ATXN1: variants seen among roughly 807,000 people sequenced by gnomAD.
ATXN1 encodes ataxin 1.
ATXN1 carries 8 observed loss-of-function variants against 56.4 expected under a neutral mutation model. That is an observed-to-expected ratio of 0.14 (90% CI 0.08 to 0.26). The LOEUF (loss-of-function observed/expected upper bound fraction) is 0.26, where lower values mean the gene tolerates loss of function less well. ATXN1 is among the 10% of genes least tolerant of loss of function. The pLI is 1.00. For missense variants in ATXN1, 987 were observed against 1,106.5 expected (o/e 0.89, Z 1.53); for synonymous variants, 514 against 494.6 (o/e 1.04, Z -0.52).
At chr6:16,622,410 C>G (rs749934264) in intron 3 of ATXN1, among the ~76,000 whole-genome samples, 2 of 152,022 alleles carry the variant, frequency 1.3e-5, no homozygotes, top group Non-Finnish European at 2.9e-5. Flanking sequence ...TAACGATAAC[C>G]AAACAAGCAA....
chr6:16,492,313 T>C (rs780538937), intron 5 of ATXN1, among the ~76,000 whole-genome samples: 26 of 151,994 alleles, frequency 1.7e-4, no homozygotes, highest in Non-Finnish European at 3.1e-4. Flanking sequence ...TTAGGAGATA[T>C]ACCTAATGCT....
intron 6 of ATXN1, chr6:16,433,058 T>C (rs1296185314): frequency 6.6e-6 from 1 of 152,172 alleles, no homozygotes; most frequent in African/African-American, 2.4e-5. Flanking sequence ...ATGAATAGGT[T>C]ATGGGTTTTG....
intron 6 of ATXN1, among the ~76,000 whole-genome samples, chr6:16,455,853 CGCACCAATCAGCACTTGGTAAAAT>C (rs1344192179): frequency 6.6e-6 from 1 of 152,122 alleles, no homozygotes; most frequent in Non-Finnish European, 1.5e-5. Context: ...GTTTGTAAAG[CGCACCAATCAGCACTTGGTAAAAT>C]GCACCAATCA....
intron 3 of ATXN1, among the ~76,000 whole-genome samples, chr6:16,646,817 T>C (rs892299271): frequency 1.3e-5 from 2 of 152,210 alleles, no homozygotes; most frequent in African/African-American, 4.8e-5. Context: ...CACCTACATG[T>C]TTCCCCTAAC....
At chr6:16,434,420 T>A (rs1347970967) in intron 6 of ATXN1, among the ~76,000 whole-genome samples, 2 of 152,256 alleles carry the variant, frequency 1.3e-5, no homozygotes, top group Admixed American at 1.3e-4. Context: ...TGGGAAATGA[T>A]GTGAACTTAA....
chr6:16,730,189 G>C (rs1759937373), intron 2 of ATXN1, among the ~76,000 whole-genome samples: 1 of 152,190 alleles, frequency 6.6e-6, no homozygotes, highest in South Asian at 2.1e-4. Flanking sequence ...TGGGGCAGGA[G>C]AATCACCTGA....
At chr6:16,309,354 A>C (rs1162209178) in intron 7 of ATXN1, among the ~76,000 whole-genome samples, 1 of 152,094 alleles carries the variant, frequency 6.6e-6, no homozygotes, top group Non-Finnish European at 1.5e-5. Context: ...AGTTGAATAG[A>C]CATGGATTAA....
intron 2 of ATXN1, among the ~76,000 whole-genome samples, chr6:16,702,856 C>A (rs377266794): frequency 2.0e-5 from 3 of 152,262 alleles, no homozygotes; most frequent in South Asian, 2.1e-4. Flanking sequence ...GATGTGGAGA[C>A]ATAGGAACAT....
At chr6:16,671,070 C>A (rs1024115560) in intron 2 of ATXN1, among the ~76,000 whole-genome samples, 1 of 150,386 alleles carries the variant, frequency 6.6e-6, no homozygotes, top group East Asian at 2.0e-4. Context: ...TTATAAAAGT[C>A]CTTGCAAAGT....
intron 4 of ATXN1, among the ~76,000 whole-genome samples, chr6:16,545,983 C>T (rs533142062): frequency 6.6e-5 from 10 of 152,226 alleles, no homozygotes; most frequent in African/African-American, 1.9e-4. Context: ...GGGAGGGTGT[C>T]GGAAAAGTCT....
intron 4 of ATXN1, among the ~76,000 whole-genome samples, chr6:16,548,697 G>A (rs1052980980): frequency 2.6e-5 from 4 of 152,098 alleles, no homozygotes; most frequent in African/African-American, 9.7e-5. Context: ...GCCGAGGCGG[G>A]TGGATTGCTT....
rs1270615351 is a variant in ATXN1 at position 16,585,767 on chromosome 6, T to C, written c.-361+13A>G. The C allele has an allele frequency of 6.6e-6, 1 of 152,194 alleles. No homozygotes were observed. Among genetic ancestry groups the C allele is most frequent in the Non-Finnish European group, 1.5e-5 (1 of 68,026 alleles). The allele number at this position is 152,194 out of a possible 1,614,324, so 9.4% of individuals were successfully genotyped here. ...GATAATTATTTTCCTTTAAAGCTTT[T>C]GGAGATGTTTACCTGTACCATGTGC... On this transcript the variant is annotated intron_variant, in intron 4 of 7. Coordinates refer to ENST00000436367, the MANE Select transcript of ATXN1 (RefSeq NM_001128164.2).
intron 6 of ATXN1, among the ~76,000 whole-genome samples, chr6:16,330,157 C>G (rs887425813): frequency 2.0e-5 from 3 of 152,166 alleles, no homozygotes; most frequent in Admixed American, 6.5e-5. Flanking sequence ...CTCAAGAAAT[C>G]CTCCTTCCTT....
chr6:16,592,972 T>C (rs1224582010), intron 3 of ATXN1, among the ~76,000 whole-genome samples: 3 of 152,160 alleles, frequency 2.0e-5, no homozygotes, highest in African/African-American at 7.2e-5. Flanking sequence ...CTCCCCATGA[T>C]TGGTTACTTT....
At chr6:16,719,293 A>C (rs546749024) in intron 2 of ATXN1, among the ~76,000 whole-genome samples, 54 of 152,376 alleles carry the variant, frequency 3.5e-4, no homozygotes, top group African/African-American at 1.2e-3. Flanking sequence ...ATTCCCCCAA[A>C]GCACAGGAAG....
chr6:16,361,806 TG>T (rs1249769136), intron 6 of ATXN1, among the ~76,000 whole-genome samples: 7 of 152,242 alleles, frequency 4.6e-5, no homozygotes, highest in Non-Finnish European at 8.8e-5. Context: ...TTGATTTTCC[TG>T]TGAGGCCAGC....
intron 3 of ATXN1, among the ~76,000 whole-genome samples, chr6:16,628,457 A>C (rs1051439903): frequency 6.6e-6 from 1 of 152,216 alleles, no homozygotes; most frequent in Non-Finnish European, 1.5e-5. Flanking sequence ...TCTTTAAAAT[A>C]ACCTATTTCT....
intron 4 of ATXN1, among the ~76,000 whole-genome samples, chr6:16,557,032 A>G (rs1457592095): frequency 6.6e-6 from 1 of 152,202 alleles, no homozygotes; most frequent in Non-Finnish European, 1.5e-5. Flanking sequence ...TGCAAGATCT[A>G]CATAAAGAGG....
chr6:16,683,136 TACC>T (rs1484053558), intron 2 of ATXN1, among the ~76,000 whole-genome samples: 1 of 152,222 alleles, frequency 6.6e-6, no homozygotes, highest in Non-Finnish European at 1.5e-5. Context: ...AATAGTTATT[TACC>T]AAAGAAGATT....
Sources: allele counts gnomAD v4.1 joint callset (sites outside exome capture counted in the v4.1 genomes callset), GRCh38; gene constraint gnomAD v4.1.1; transcripts MANE v1.5; gene names NCBI Gene and HGNC (gene_info 2026-07-23, HGNC 2026-07-21).